UBXN11: variants seen among roughly 807,000 people sequenced by gnomAD.
UBXN11 encodes the protein UBX domain-containing protein 11.
Under a neutral mutation model 62.8 loss-of-function variants are expected in UBXN11, and 47 were observed. The ratio of observed to expected loss-of-function variants is 0.75; its 90% CI spans 0.59 to 0.95. UBXN11 has a LOEUF of 0.95. Among genes scored for constraint, UBXN11 ranks in the 40% least tolerant of loss-of-function variants. The probability of loss-of-function intolerance (pLI) is 0.00; values close to 1 mark genes in which losing one functional copy is unlikely to be tolerated. For synonymous variants in UBXN11, 294 were observed against 267.0 expected, an observed-to-expected ratio of 1.10 and a Z score of -0.99; for missense variants, 638 against 661.7, an observed-to-expected ratio of 0.96 and a Z score of 0.39.
chr1:26,282,437 C>A lies in UBXN11; in HGVS notation c.1425G>T (p.Pro475=). 2 of 1,601,176 alleles carry A rather than the reference C, an allele frequency of 1.2e-6. No individual in the cohort carries two copies. The highest frequency in any genetic ancestry group is 1.7e-6 in the Non-Finnish European group (2 of 1,178,128). ...CAGGACTGAATTTCAGGCTGGACTT[C>A]GGGGCTCGGCGTGCCCGCAGCAGCA... The part of the protein sequence containing the change: ...AALLLRARRA[P]KSSLKFSPGP... Residue 475 remains proline, a synonymous_variant, in exon 15 of 15, where the codon CCG becomes CCT. Transcript: ENST00000374222.
chr1:26,314,615 G>T (rs1298251344), intron 1 of UBXN11, among the ~76,000 whole-genome samples: 1 of 152,168 alleles, frequency 6.6e-6, no homozygotes, highest in Non-Finnish European at 1.5e-5. Flanking sequence ...GGTGGGAATA[G>T]ATCTAGATGA....
rs541078462 is a variant in UBXN11, at chr1:26,298,624, T to C, written c.200-562A>G. On this transcript the variant is annotated intron_variant, in intron 4 of 14. Transcript: ENST00000374222. ...CTGGCCAACATGGTGAAACCCTGCC[T>C]CTACTAAAAATACAAAAATCAGCCG... 1.5e-4 allele frequency among the ~76,000 whole-genome samples: 23 copies of C among 151,892 alleles called. No homozygotes were observed. The East Asian group carries it at 4.3e-3, about 28-fold the overall frequency.
chr1:26,298,205 C>T, intron 4 of UBXN11, 143 bp from the exon 5 acceptor site: 4 of 770,564 alleles, frequency 5.2e-6, no homozygotes, highest in South Asian at 3.4e-5. Context: ...CTGTTCTAAA[C>T]ACTTCATGTA....
chr1:26,297,329 C>T (rs1004019127), intron 6 of UBXN11, 98 bp downstream of exon 6: 3 of 1,365,856 alleles, frequency 2.2e-6, no homozygotes, highest in African/African-American at 1.5e-5. Flanking sequence ...CAGCTTGATG[C>T]TCTTGATGCC....
chr1:26,315,106 C>T (rs2073779854), intron 1 of UBXN11, among the ~76,000 whole-genome samples: 1 of 152,042 alleles, frequency 6.6e-6, no homozygotes, highest in Non-Finnish European at 1.5e-5. Context: ...AAGAGTTTGC[C>T]AGGTAAAATA....
chr1:26,303,731 T>A (rs1295300320), intron 1 of UBXN11, among the ~76,000 whole-genome samples: 1 of 151,544 alleles, frequency 6.6e-6, no homozygotes. Context: ...TTTCTTTTAG[T>A]ATAAAATGGG....
At chr1:26,316,991 G>A (rs976727318) in intron 1 of UBXN11, among the ~76,000 whole-genome samples, 1 of 151,702 alleles carries the variant, frequency 6.6e-6, no homozygotes, top group African/African-American at 2.4e-5. Context: ...CACTTTGGGA[G>A]GCCGAGGCAG....
At chr1:26,287,597 C>T (rs1289413170) in intron 8 of UBXN11, among the ~76,000 whole-genome samples, 1 of 151,980 alleles carries the variant, frequency 6.6e-6, no homozygotes, top group African/African-American at 2.4e-5. Context: ...GGACCTAATT[C>T]CTTTCCTCTC....
At chr1:26,293,724 CAAAAAAAAA>C (rs1163207554) in intron 8 of UBXN11, among the ~76,000 whole-genome samples, 3 of 26,942 alleles carry the variant, frequency 1.1e-4, no homozygotes, top group Admixed American at 7.6e-4. Context: ...GACTCCGTCT[CAAAAAAAAA>C]AAAAAAAAAA....
At chr1:26,302,365 A>T (rs1392420338) in intron 2 of UBXN11, among the ~76,000 whole-genome samples, 4 of 16,666 alleles carry the variant, frequency 2.4e-4, no homozygotes, top group African/African-American at 5.6e-4. Context: ...TGGTCTTTAA[A>T]AAAAAAAAAA....
chr1:26,295,027 T>C (rs1394903991), intron 7 of UBXN11, among the ~76,000 whole-genome samples: 1 of 151,818 alleles, frequency 6.6e-6, no homozygotes, highest in Non-Finnish European at 1.5e-5. Flanking sequence ...ATCCACACGC[T>C]CTCCCAAATA....
chr1:26,290,784 G>T (rs1474826887), intron 8 of UBXN11, among the ~76,000 whole-genome samples: 2 of 151,622 alleles, frequency 1.3e-5, no homozygotes, highest in African/African-American at 4.9e-5. Flanking sequence ...GGGATGAGAG[G>T]GTGAGGATTC....
At chr1:26,283,037 C>A (rs56262465) in intron 12 of UBXN11, 100 bp from the exon 13 acceptor site, 12 of 1,483,990 alleles carry the variant, frequency 8.1e-6, no homozygotes, top group Non-Finnish European at 1.0e-5. Flanking sequence ...ACAGATGAGA[C>A]CAGTGAGCAA....
chr1:26,285,563 G>A (rs780816533), intron 9 of UBXN11, 22 bp from the exon 10 acceptor site: 1 of 1,548,160 alleles, frequency 6.5e-7, no homozygotes, highest in Non-Finnish European at 8.8e-7. Context: ...GAGGAAAAGT[G>A]AGGGGGTGGC....
In UBXN11 at chr1:26,282,686, T is replaced by A. The variant is rs758248476; in HGVS notation, c.1255A>T (p.Thr419Ser). 6.2e-7 allele frequency: 1 copy of A among 1,614,026 alleles called. No homozygotes were observed. The highest frequency in any genetic ancestry group is 8.5e-7 in the Non-Finnish European group (1 of 1,179,996). The change falls in exon 14 of 15, where the codon ACC (threonine) becomes TCC (serine). Residue 419 changes from threonine to serine, a missense_variant. Transcript: ENST00000374222. ...AGCAGAGCTCGCACGTCCCCAATGG[T>A]GTTGTCAGGCTGCATCATCAGTAGG... ...AFLLMMQPDN[T>S]IGDVRALLAQ...
chr1:26,303,153 G>T, intron 1 of UBXN11: 1 of 355,868 alleles, frequency 2.8e-6, no homozygotes, highest in Non-Finnish European at 5.1e-6. Context: ...TGGCCTGGTG[G>T]TGCTTGGGAA....
upstream of UBXN11, among the ~76,000 whole-genome samples, chr1:26,310,166 C>T (rs912424715): frequency 3.3e-5 from 5 of 152,100 alleles, no homozygotes; most frequent in Non-Finnish European, 5.9e-5. Flanking sequence ...TTTGGGAGGC[C>T]GAGGTGGGTG....
chr1:26,301,668 A>T (rs766620307), intron 3 of UBXN11, 26 bp downstream of exon 3: 3 of 1,613,174 alleles, frequency 1.9e-6, no homozygotes, highest in Non-Finnish European at 2.5e-6. Context: ...AGAGGCGAAG[A>T]GGGCACGAGG....
chr1:26,306,824 C>CGGGGGGGGGGG (rs1344172803), upstream of UBXN11: 6 of 5,156 alleles, frequency 1.2e-3, no homozygotes, highest in Non-Finnish European at 2.3e-3. Context: ...AGGTCCGGGG[C>CGGGGGGGGGGG]GGGGTGGGGG....
Sources: allele counts gnomAD v4.1 joint callset (sites outside exome capture counted in the v4.1 genomes callset), GRCh38; gene constraint gnomAD v4.1.1; transcripts MANE v1.5; gene names NCBI Gene and HGNC (gene_info 2026-07-23, HGNC 2026-07-21).